The following TBC1D2 variants were observed in gnomAD, a reference collection of about 807,000 sequenced individuals.
TBC1D2 encodes the protein TBC1 domain family member 2, also known as TBC1 domain family member 2A.
TBC1D2 carries 58 observed loss-of-function variants against 91.1 expected under a neutral mutation model. The observed-to-expected ratio is 0.64, with a 90% CI of 0.52 to 0.79. The LOEUF (loss-of-function observed/expected upper bound fraction) is 0.79. TBC1D2 is among the 30% of genes least tolerant of loss of function. The probability of loss-of-function intolerance (pLI) is 0.00; values close to 1 mark genes in which losing one functional copy is unlikely to be tolerated. For synonymous variants in TBC1D2, 482 were observed against 511.5 expected (o/e 0.94, Z 0.78); for missense variants, 1,080 against 1,208.3 (o/e 0.89, Z 1.57).
chr9:98,224,821 G>A (rs760847361), intron 5 of TBC1D2, among the ~76,000 whole-genome samples: 1 of 152,198 alleles, frequency 6.6e-6, no homozygotes, highest in East Asian at 1.9e-4. Context: ...GGATCCGTGG[G>A]GGGTGTATCT....
In TBC1D2 at chr9:98,201,477, ACCTTCGT is replaced by A. The variant is rs1828500482; in HGVS notation, c.2452_2457+1del. On this transcript the variant is annotated splice_donor_variant and coding_sequence_variant, in exon 11 of 13. Coordinates refer to ENST00000465784, the MANE Select transcript of TBC1D2 (RefSeq NM_001267571.2). LOFTEE classifies it high-confidence loss of function. The stretch of plus-strand genomic sequence containing the variant: ...CCTGCCCATCCCCTGGCTGCACCCT[ACCTTCGT>A]CCCCTCGTACAGGAAGGCATCCCAG... 2 of 1,612,796 alleles carry A rather than the reference ACCTTCGT, an allele frequency of 1.2e-6. No homozygotes were observed. Among genetic ancestry groups the A allele is most frequent in the Non-Finnish European group, 1.7e-6 (2 of 1,179,224 alleles).
rs754889673 is a variant in TBC1D2 at position 98,199,506 on chromosome 9, G to A, written c.2662C>T (p.Arg888Trp). The change falls in exon 13 of 13, where the codon CGG becomes TGG. Residue 888 changes from arginine (R) to tryptophan (W), a missense_variant. Arg to Trp is a moderately radical substitution (Grantham distance 101). Transcript: ENST00000465784. ...LRQLRMVHRE[R>W]LEAELRELEQ... The stretch of plus-strand genomic sequence containing the variant: ...AGCTCCCGCAGCTCAGCCTCCAGCC[G>A]CTCCCGGTGGACCATGCGCAGCTGC... The A allele has an allele frequency of 2.2e-5, 36 of 1,614,038 alleles. No homozygotes were observed. Among genetic ancestry groups the A allele is most frequent in the Non-Finnish European group, 2.7e-5 (32 of 1,180,044 alleles).
At chr9:98,208,624 C>A in intron 9 of TBC1D2, 44 bp downstream of exon 9, 1 of 1,506,262 alleles carries the variant, frequency 6.6e-7, no homozygotes, top group South Asian at 1.4e-5. Context: ...GACCTGCGCT[C>A]CAAAAGGTAA....
At chr9:98,203,243 G>C in intron 10 of TBC1D2, 45 bp downstream of exon 10, 2 of 1,610,008 alleles carry the variant, frequency 1.2e-6, no homozygotes, top group Non-Finnish European at 1.7e-6. Context: ...CAGCTCTGGG[G>C]CACTGCCCTA....
chr9:98,221,290 G>A, intron 5 of TBC1D2, 62 bp from the exon 6 acceptor site: 2 of 1,467,410 alleles, frequency 1.4e-6, no homozygotes, highest in Admixed American at 2.5e-5. Flanking sequence ...GCCACAGTGG[G>A]GTATATGTTA....
intron 9 of TBC1D2, among the ~76,000 whole-genome samples, chr9:98,207,820 G>A (rs980932413): frequency 1.1e-4 from 16 of 152,326 alleles, no homozygotes; most frequent in Admixed American, 7.2e-4. Context: ...ACGAGCTCAG[G>A]TCATGGCATC....
At chr9:98,241,724 C>T (rs939319624) in intron 3 of TBC1D2, among the ~76,000 whole-genome samples, 7 of 152,166 alleles carry the variant, frequency 4.6e-5, no homozygotes, top group Admixed American at 4.6e-4. Context: ...CCCCTCTCTA[C>T]CCCAGCATGC....
chr9:98,251,795 G>A lies in TBC1D2; in HGVS notation c.501C>T (p.His167=). The change falls in exon 2 of 13, where the codon CAC becomes CAT. Residue 167 remains histidine, a synonymous_variant. Transcript: ENST00000465784. ...TAGCCCATTGGGTACCTAGCTCGAG[G>A]TGCAGGACGGGCCCATTCCCAGCCA... ...AALAGNGPVL[H]LELGQEEAEL... 1 of 1,594,330 alleles carries A rather than the reference G, an allele frequency of 6.3e-7. No homozygotes were observed. The highest frequency in any genetic ancestry group is 1.4e-5 in the African/African-American group (1 of 73,584).
At chr9:98,221,314 T>C (rs903134583) in intron 5 of TBC1D2, 86 bp from the exon 6 acceptor site, 3 of 1,430,822 alleles carry the variant, frequency 2.1e-6, no homozygotes, top group African/African-American at 1.4e-5. Flanking sequence ...GTAGTTCTCC[T>C]AACAACCGTG....
intron 6 of TBC1D2, 91 bp downstream of exon 6, chr9:98,220,742 T>G: frequency 1.3e-6 from 2 of 1,504,926 alleles, no homozygotes; most frequent in South Asian, 2.5e-5. Flanking sequence ...CCACTCCACC[T>G]AGCAAACCCT....
At chr9:98,224,178 C>T (rs1405708883) in intron 5 of TBC1D2, among the ~76,000 whole-genome samples, 2 of 133,798 alleles carry the variant, frequency 1.5e-5, no homozygotes, top group Non-Finnish European at 3.1e-5. Context: ...GCCTGGGCGA[C>T]AGAGCGAGAC....
At chr9:98,206,568 A>G (rs553360299) in intron 9 of TBC1D2, among the ~76,000 whole-genome samples, 1 of 152,180 alleles carries the variant, frequency 6.6e-6, no homozygotes, top group South Asian at 2.1e-4. Context: ...CGAGAAGGTT[A>G]CATCCACATA....
At chr9:98,211,442 G>C (rs2119038527) in intron 7 of TBC1D2, among the ~76,000 whole-genome samples, 1 of 152,138 alleles carries the variant, frequency 6.6e-6, no homozygotes, top group South Asian at 2.1e-4. Flanking sequence ...CCTTGCTTGG[G>C]ACACTCCCCC....
rs750238841 is a variant in TBC1D2 at position 98,209,175 on chromosome 9, TTGCAGAGCCC to T, written c.1674-41_1674-32del. 7 of 1,588,690 alleles carry T rather than the reference TTGCAGAGCCC, an allele frequency of 4.4e-6. No individual in the cohort carries two copies. In the Admixed American group the frequency reaches 1.2e-4, roughly 27 times the overall value. ...AGCAAAAGTGCACGTTAGCAACACC[TTGCAGAGCCC>T]TTCCCTAGATAAGGGGTGGTGGTGA... On this transcript the variant is annotated intron_variant, in intron 8 of 12. Transcript: ENST00000465784.
In TBC1D2 at chr9:98,221,093, G is replaced by C; in HGVS notation, c.1114C>G (p.Leu372Val). The change falls in exon 6 of 13, where the codon CTG (leucine) becomes GTG (valine). Residue 372 changes from leucine to valine, a missense_variant. Leu to Val is a conservative substitution (Grantham distance 32). Coordinates refer to ENST00000465784, the MANE Select transcript of TBC1D2 (RefSeq NM_001267571.2). ...VRHKVRQIAE[L>V]GRRVEALEQE... ...TCCAGGGCCTCCACCCGCCGGCCCA[G>C]CTCCGCGATCTGCCGCACTTTGTGC... 4.4e-6 allele frequency: 7 copies of C among 1,608,038 alleles called. No individual in the cohort carries two copies. Among genetic ancestry groups the C allele is most frequent in the Non-Finnish European group, 5.1e-6 (6 of 1,177,760 alleles).
At chr9:98,245,204 C>T (rs2131285466) in intron 2 of TBC1D2, among the ~76,000 whole-genome samples, 1 of 152,146 alleles carries the variant, frequency 6.6e-6, no homozygotes, top group East Asian at 1.9e-4. Context: ...CGTGCCACTG[C>T]ACTTCAGCCT....
intron 8 of TBC1D2, among the ~76,000 whole-genome samples, chr9:98,209,708 A>G (rs1246168872): frequency 7.0e-6 from 1 of 142,880 alleles, no homozygotes; most frequent in Non-Finnish European, 1.5e-5. Flanking sequence ...GTTTGCCTAA[A>G]TCTTTTTTTT....
At chr9:98,201,798 G>A (rs933483616) in intron 10 of TBC1D2, 134 bp from the exon 11 acceptor site, 1 of 824,922 alleles carries the variant, frequency 1.2e-6, no homozygotes. Flanking sequence ...CTGCCCAGGA[G>A]ACACCTCGGG....
At chr9:98,252,062 G>T in intron 1 of TBC1D2, 136 bp from the exon 2 acceptor site, 1 of 1,134,854 alleles carries the variant, frequency 8.8e-7, no homozygotes, top group Non-Finnish European at 1.2e-6. Context: ...CTGTAGGTAT[G>T]TATGCTTCCT....
Sources: gnomAD v4.1 joint callset for allele counts (sites outside exome capture counted in the v4.1 genomes callset) on GRCh38, gnomAD v4.1.1 for gene constraint, MANE v1.5 for transcripts, NCBI Gene and HGNC (gene_info 2026-07-23, HGNC 2026-07-21) for gene names.